Variants in SBF2 observed in about 807,000 individuals in gnomAD.
The protein encoded by SBF2 is SET binding factor 2.
SBF2 carries 112 observed loss-of-function variants against 225.2 expected under a neutral mutation model. The ratio of observed to expected loss-of-function variants is 0.50; its 90% CI spans 0.43 to 0.58. The LOEUF is 0.58. Ranked by LOEUF, SBF2 falls within the 20% of genes least tolerant of loss-of-function variation. The probability of loss-of-function intolerance (pLI) is 0.00; values close to 1 mark genes in which losing one functional copy is unlikely to be tolerated. For synonymous variants in SBF2, 763 were observed against 773.3 expected (o/e 0.99, Z 0.22); for missense variants, 1,996 against 2,206.2 (o/e 0.90, Z 1.91).
intron 2 of SBF2, among the ~76,000 whole-genome samples, chr11:10,109,504 G>C (rs1952734458): frequency 6.6e-6 from 1 of 152,098 alleles, no homozygotes; most frequent in African/African-American, 2.4e-5. Context: ...TGCTACCCTA[G>C]GGACTCCATT....
At chr11:10,166,676 A>T (rs866416219) in intron 2 of SBF2, among the ~76,000 whole-genome samples, 10 of 152,188 alleles carry the variant, frequency 6.6e-5, no homozygotes, top group South Asian at 4.1e-4. Flanking sequence ...TAAAAGCTGC[A>T]AATTAGCTGG....
chr11:10,112,282 T>C (rs768079965), intron 2 of SBF2, among the ~76,000 whole-genome samples: 4 of 152,172 alleles, frequency 2.6e-5, no homozygotes, highest in Non-Finnish European at 4.4e-5. Flanking sequence ...ACAATTTCCA[T>C]GTGTTGTGGA....
intron 1 of SBF2, among the ~76,000 whole-genome samples, chr11:10,268,608 C>G (rs1469825642): frequency 1.3e-5 from 2 of 152,156 alleles, no homozygotes; most frequent in African/African-American, 4.8e-5. Flanking sequence ...CAACTGTCTA[C>G]TCAATAAACA....
At chr11:10,275,560 C>T (rs940523803) in intron 1 of SBF2, among the ~76,000 whole-genome samples, 22 of 151,280 alleles carry the variant, frequency 1.5e-4, no homozygotes, top group Non-Finnish European at 2.9e-4. Flanking sequence ...ACTAAAATTG[C>T]TTTTTACTTA....
At position 9,813,179 on chromosome 11, in the gene SBF2, C is replaced by T. The variant is rs376754138; in HGVS notation, c.3979-471G>A. ...CACACTGTTGGAGTTCCAGACTGTA[C>T]GTGTATTAAAGTTTGTAGATATGCA... On this transcript the variant is annotated intron_variant, in intron 29 of 39. Coordinates refer to ENST00000256190, the MANE Select transcript of SBF2 (RefSeq NM_030962.4). Among the ~76,000 whole-genome samples the T allele has an allele frequency of 5.3e-4, 80 of 152,094 alleles. 1 individual carries two copies. The highest frequency in any genetic ancestry group is 9.2e-4 in the Admixed American group (14 of 15,270).
intron 17 of SBF2, among the ~76,000 whole-genome samples, chr11:9,890,900 G>C (rs1292630119): frequency 6.6e-6 from 1 of 152,138 alleles, no homozygotes; most frequent in East Asian, 1.9e-4. Flanking sequence ...TTGGGAGGTC[G>C]AGACAGGTGG....
At chr11:10,115,226 A>G (rs1043969209) in intron 2 of SBF2, among the ~76,000 whole-genome samples, 2 of 152,202 alleles carry the variant, frequency 1.3e-5, no homozygotes, top group African/African-American at 4.8e-5. Flanking sequence ...TATGTATACT[A>G]CTATCCCAAG....
chr11:9,922,867 T>C (rs564320898), intron 16 of SBF2, among the ~76,000 whole-genome samples: 1 of 152,350 alleles, frequency 6.6e-6, no homozygotes, highest in African/African-American at 2.4e-5. Flanking sequence ...TTTAACTATG[T>C]GCTTAGAAGC....
intron 2 of SBF2, among the ~76,000 whole-genome samples, chr11:10,136,401 C>G (rs1160732685): frequency 1.3e-5 from 2 of 152,128 alleles, no homozygotes; most frequent in African/African-American, 2.4e-5. Flanking sequence ...AAAGACCAAG[C>G]CATAATTTGA....
chr11:10,241,677 A>G (rs901287169), intron 1 of SBF2, among the ~76,000 whole-genome samples: 7 of 152,134 alleles, frequency 4.6e-5, no homozygotes, highest in African/African-American at 1.7e-4. Flanking sequence ...TCTAGATGAA[A>G]CGGACAAATT....
intron 1 of SBF2, among the ~76,000 whole-genome samples, chr11:10,203,787 G>A (rs1740313079): frequency 6.8e-6 from 1 of 146,178 alleles, no homozygotes; most frequent in African/African-American, 2.5e-5. Context: ...AGGAAAAAAA[G>A]GTTAATGGTT....
At chr11:10,302,212 G>A (rs928567082) in intron 1 of SBF2, among the ~76,000 whole-genome samples, 1 of 151,908 alleles carries the variant, frequency 6.6e-6, no homozygotes, top group East Asian at 1.9e-4. Flanking sequence ...TTTTTTTGTC[G>A]TTAACGATGA....
At chr11:9,832,124 A>T in intron 27 of SBF2, 100 bp downstream of exon 27, 1 of 1,025,214 alleles carries the variant, frequency 9.8e-7, no homozygotes, top group Non-Finnish European at 1.5e-6. Flanking sequence ...GTGTGAGACA[A>T]GACTTGATGA....
rs1851867076 is a variant in SBF2, at chr11:9,778,894, C to A, written c.*1524G>T. On this transcript the variant is annotated 3_prime_UTR_variant, in exon 40 of 40. Coordinates refer to ENST00000256190, the MANE Select transcript of SBF2 (RefSeq NM_030962.4). Reference sequence around the variant, plus strand: ...TTACAAAAGAAGCACTGTGTATAGTCTCAAATAGCTGAAGGTACAATGGGC... The same window carrying A: ...TTACAAAAGAAGCACTGTGTATAGTATCAAATAGCTGAAGGTACAATGGGC... The A allele has an allele frequency of 6.6e-6, 1 of 152,610 alleles. No individual in the cohort carries two copies. The highest frequency in any genetic ancestry group is 2.1e-4 in the South Asian group (1 of 4,834). 9.5% of individuals were successfully genotyped at this position (152,610 alleles called of 1,614,324 possible). A position where few individuals can be genotyped will look rare whatever the true frequency, so the allele number is the denominator to read the frequency against.
chr11:10,168,808 C>T (rs1956075182), intron 2 of SBF2, among the ~76,000 whole-genome samples: 1 of 152,092 alleles, frequency 6.6e-6, no homozygotes, highest in Non-Finnish European at 1.5e-5. Flanking sequence ...ATCTTTTTAT[C>T]AAAGCTCAGA....
chr11:9,836,122 T>G (rs1268584275), intron 26 of SBF2, among the ~76,000 whole-genome samples: 1 of 152,168 alleles, frequency 6.6e-6, no homozygotes, highest in East Asian at 1.9e-4. Flanking sequence ...TATACAGAAG[T>G]TCTAAATTTA....
At chr11:10,103,712 T>G (rs1272093705) in intron 2 of SBF2, among the ~76,000 whole-genome samples, 1 of 152,126 alleles carries the variant, frequency 6.6e-6, no homozygotes, top group Admixed American at 6.5e-5. Context: ...GGAAATAACT[T>G]TTAGGACTCT....
At chr11:10,079,454 G>T (rs1405305241) in intron 2 of SBF2, among the ~76,000 whole-genome samples, 1 of 152,100 alleles carries the variant, frequency 6.6e-6, no homozygotes, top group Non-Finnish European at 1.5e-5. Flanking sequence ...CCATAATACA[G>T]TTGAAAGTTC....
intron 16 of SBF2, among the ~76,000 whole-genome samples, chr11:9,949,868 A>G (rs915118727): frequency 6.6e-6 from 1 of 152,190 alleles, no homozygotes; most frequent in African/African-American, 2.4e-5. Flanking sequence ...CATGTAGTAA[A>G]CAATATACAT....
Sources: gnomAD v4.1 joint callset for allele counts (sites outside exome capture counted in the v4.1 genomes callset) on GRCh38, gnomAD v4.1.1 for gene constraint, MANE v1.5 for transcripts, NCBI Gene and HGNC (gene_info 2026-07-23, HGNC 2026-07-21) for gene names.